FHIT: variants seen among roughly 807,000 people sequenced by gnomAD.
The protein encoded by FHIT is fragile histidine triad diadenosine triphosphatase, also known as bis(5'-adenosyl)-triphosphatase.
Under a neutral mutation model 17.9 loss-of-function variants are expected in FHIT, and 19 were observed. The ratio of observed to expected loss-of-function variants is 1.06; its 90% confidence interval spans 0.74 to 1.56. The LOEUF (loss-of-function observed/expected upper bound fraction) is 1.56, where lower values mean the gene tolerates loss of function less well. Ranked by LOEUF, FHIT falls within the 40% of genes most tolerant of loss-of-function variation. The pLI is 0.00. For missense variants in FHIT, 248 were observed against 189.2 expected, an observed-to-expected ratio of 1.31 and a Z score of -1.82; for synonymous variants, 81 against 69.7, an observed-to-expected ratio of 1.16 and a Z score of -0.81.
intron 4 of FHIT, among the ~76,000 whole-genome samples, chr3:60,806,937 G>A (rs184883445): frequency 1.3e-5 from 2 of 152,126 alleles, no homozygotes; most frequent in Non-Finnish European, 2.9e-5. Flanking sequence ...TTAATTTAAA[G>A]CTTCTAGCCA....
At chr3:60,617,581 C>G (rs1321774836) in intron 4 of FHIT, 1 of 152,616 alleles carries the variant, frequency 6.6e-6, no homozygotes, top group Non-Finnish European at 1.5e-5. Context: ...TCAATTTGAA[C>G]AGTAGGGAAT....
intron 1 of FHIT, among the ~76,000 whole-genome samples, chr3:61,245,205 G>C (rs1440522671): frequency 6.6e-6 from 1 of 152,120 alleles, no homozygotes; most frequent in Non-Finnish European, 1.5e-5. Flanking sequence ...TACCATTTAT[G>C]GAGTACCAGT....
At chr3:60,070,057 A>G (rs1294007649) in intron 5 of FHIT, among the ~76,000 whole-genome samples, 2 of 151,952 alleles carry the variant, frequency 1.3e-5, no homozygotes, top group Non-Finnish European at 2.9e-5. Flanking sequence ...ATTGCTCCCT[A>G]TTGCCTCCAT....
At chr3:59,986,144 A>C (rs1708890827) in intron 7 of FHIT, among the ~76,000 whole-genome samples, 1 of 152,022 alleles carries the variant, frequency 6.6e-6, no homozygotes, top group Admixed American at 6.6e-5. Flanking sequence ...ATGGCTGCTC[A>C]CCCTGAAACT....
intron 4 of FHIT, among the ~76,000 whole-genome samples, chr3:60,624,559 G>T (rs1387897244): frequency 1.3e-5 from 2 of 152,056 alleles, no homozygotes; most frequent in Non-Finnish European, 2.9e-5. Context: ...GATTCCAAAA[G>T]TAAAATATTC....
At chr3:60,443,211 A>G (rs2031049191) in intron 5 of FHIT, among the ~76,000 whole-genome samples, 1 of 152,200 alleles carries the variant, frequency 6.6e-6, no homozygotes, top group Non-Finnish European at 1.5e-5. Context: ...CAATCATGTC[A>G]TCTGCAAACA....
intron 5 of FHIT, among the ~76,000 whole-genome samples, chr3:60,262,715 G>T (rs996145674): frequency 6.6e-6 from 1 of 151,828 alleles, no homozygotes; most frequent in South Asian, 2.1e-4. Flanking sequence ...AACATTTCCT[G>T]TTCAGCTAAC....
At position 60,715,900 on chromosome 3, in the gene FHIT, C is replaced by A. The variant is rs557738266; in HGVS notation, c.-18+106019G>T. ...GACCTTGCAGACTCCCTGGAAGGAT[C>A]TCAGGGATCACCAGGAGTCTGTGAA... On this transcript the variant is annotated intron_variant, in intron 4 of 9. Transcript: ENST00000492590. Among the ~76,000 whole-genome samples the A allele has an allele frequency of 2.0e-5, 3 of 152,284 alleles. No individual in the cohort carries two copies. In the South Asian group the frequency reaches 6.2e-4, roughly 32 times the overall value.
At chr3:60,216,059 A>AT in intron 5 of FHIT, among the ~76,000 whole-genome samples, 1 of 152,118 alleles carries the variant, frequency 6.6e-6, no homozygotes, top group Non-Finnish European at 1.5e-5. Flanking sequence ...ATAAGAAAGT[A>AT]TTTTTCACTC....
intron 5 of FHIT, among the ~76,000 whole-genome samples, chr3:60,434,737 T>C (rs1252284576): frequency 6.6e-6 from 1 of 152,136 alleles, no homozygotes; most frequent in Non-Finnish European, 1.5e-5. Flanking sequence ...TTCTCTTCAA[T>C]TTCCTCCTGC....
At chr3:60,912,832 C>A (rs1325681227) in intron 3 of FHIT, 14 of 506,524 alleles carry the variant, frequency 2.8e-5, no homozygotes, top group Non-Finnish European at 5.5e-5. Flanking sequence ...TTTTAAAAAG[C>A]TATATAAGGT....
chr3:60,079,858 T>C (rs1258047251), intron 5 of FHIT, among the ~76,000 whole-genome samples: 2 of 151,996 alleles, frequency 1.3e-5, no homozygotes, highest in Non-Finnish European at 2.9e-5. Context: ...TTATTGTTCA[T>C]CAGATCTGAA....
At chr3:60,747,833 A>C (rs1421649464) in intron 4 of FHIT, among the ~76,000 whole-genome samples, 2 of 152,218 alleles carry the variant, frequency 1.3e-5, no homozygotes, top group African/African-American at 4.8e-5. Context: ...AAGGTTATAT[A>C]ATCAGCAATG....
chr3:59,878,871 C>A (rs188851618), intron 8 of FHIT, among the ~76,000 whole-genome samples: 159 of 152,208 alleles, frequency 1.0e-3, no homozygotes, highest in African/African-American at 3.7e-3. Flanking sequence ...ATTCACTGTT[C>A]CCAACAATTC....
chr3:59,830,050 T>G (rs1701112520), intron 8 of FHIT, among the ~76,000 whole-genome samples: 1 of 152,126 alleles, frequency 6.6e-6, no homozygotes, highest in South Asian at 2.1e-4. Context: ...CACTCCAGCC[T>G]GGGTGACAGA....
rs971796365 is a variant in FHIT, at chr3:60,476,962, GAACA to G, written c.103+59894_103+59897del. Among the ~76,000 whole-genome samples the G allele has an allele frequency of 4.0e-5, 6 of 150,446 alleles. No homozygotes were observed. The South Asian group carries it at 6.3e-4, about 16-fold the overall frequency. The stretch of plus-strand genomic sequence containing the variant: ...GTAAAGCTCAACATTACCATAAACA[GAACA>G]AACTATATATATATATATGTATGGT... On this transcript the variant is annotated intron_variant, in intron 5 of 9. Coordinates refer to ENST00000492590, the MANE Select transcript of FHIT (RefSeq NM_002012.4).
chr3:60,117,494 T>TAAAAAAA (rs34113926), intron 5 of FHIT, among the ~76,000 whole-genome samples: 6 of 86,802 alleles, frequency 6.9e-5, no homozygotes, highest in African/African-American at 8.9e-5. Flanking sequence ...ACTTCCTATC[T>TAAAAAAA]AAAAAAAAAA....
At chr3:61,164,541 A>C (rs1437385750) in intron 2 of FHIT, among the ~76,000 whole-genome samples, 1 of 152,244 alleles carries the variant, frequency 6.6e-6, no homozygotes, top group Non-Finnish European at 1.5e-5. Context: ...AACACTGAGC[A>C]AGTTATTTAA....
chr3:60,920,578 G>A (rs1707225603), intron 3 of FHIT, among the ~76,000 whole-genome samples: 1 of 151,982 alleles, frequency 6.6e-6, no homozygotes, highest in Non-Finnish European at 1.5e-5. Flanking sequence ...AGTTAACTAA[G>A]TGAGGTGAAA....
Sources: gnomAD v4.1 joint callset for allele counts (sites outside exome capture counted in the v4.1 genomes callset) on GRCh38, gnomAD v4.1.1 for gene constraint, MANE v1.5 for transcripts, NCBI Gene and HGNC (gene_info 2026-07-23, HGNC 2026-07-21) for gene names.